Variants in FAM168B observed in about 807,000 individuals in gnomAD.
FAM168B encodes the protein family with sequence similarity 168 member B, also known as myelin-associated neurite-outgrowth inhibitor.
FAM168B carries 19 observed loss-of-function variants against 21.8 expected under a neutral mutation model. The observed-to-expected ratio is 0.87, with a 90% CI of 0.61 to 1.28. The LOEUF is 1.28. Ranked by LOEUF, FAM168B falls within the 50% of genes most tolerant of loss-of-function variation. FAM168B has a pLI of 0.00. For synonymous variants in FAM168B, 126 were observed against 104.8 expected (o/e 1.20, Z -1.24); for missense variants, 233 against 263.1 (o/e 0.89, Z 0.79).
chr2:131,088,772 G>A (rs1290862207), intron 1 of FAM168B, among the ~76,000 whole-genome samples: 1 of 152,118 alleles, frequency 6.6e-6, no homozygotes, highest in Non-Finnish European at 1.5e-5. Flanking sequence ...ACATCAAGAT[G>A]TTGCATATAA....
intron 5 of FAM168B, among the ~76,000 whole-genome samples, chr2:131,053,317 G>C (rs542904150): frequency 6.6e-6 from 1 of 152,276 alleles, no homozygotes; most frequent in Admixed American, 6.5e-5. Flanking sequence ...GCCTTAACAA[G>C]GAAGGAGATT....
chr2:131,083,527 C>A (rs191989766), intron 1 of FAM168B, among the ~76,000 whole-genome samples: 53 of 152,100 alleles, frequency 3.5e-4, no homozygotes, highest in African/African-American at 1.3e-3. Context: ...GACAACAGAG[C>A]GAGACTTTGT....
intron 1 of FAM168B, among the ~76,000 whole-genome samples, chr2:131,087,839 G>C (rs776816517): frequency 6.6e-6 from 1 of 152,198 alleles, no homozygotes; most frequent in Non-Finnish European, 1.5e-5. Context: ...ATGAACATTT[G>C]TAACAGCATT....
At chr2:131,068,868 T>C (rs1272188228) in intron 3 of FAM168B, among the ~76,000 whole-genome samples, 2 of 151,956 alleles carry the variant, frequency 1.3e-5, no homozygotes, top group Non-Finnish European at 2.9e-5. Flanking sequence ...ATAGAAAAAT[T>C]AGCCGAGTGT....
intron 2 of FAM168B, among the ~76,000 whole-genome samples, chr2:131,075,730 C>T (rs1310129558): frequency 6.6e-6 from 1 of 152,082 alleles, no homozygotes; most frequent in African/African-American, 2.4e-5. Context: ...CCTCGTGATC[C>T]GCCCACCCCG....
intron 2 of FAM168B, among the ~76,000 whole-genome samples, chr2:131,081,216 T>C (rs907624652): frequency 1.3e-5 from 2 of 152,228 alleles, no homozygotes; most frequent in African/African-American, 4.8e-5. Context: ...TTCTTTTATA[T>C]CTGCAATTCT....
intron 3 of FAM168B, among the ~76,000 whole-genome samples, chr2:131,066,507 G>A (rs1200172430): frequency 6.6e-6 from 1 of 152,156 alleles, no homozygotes; most frequent in Non-Finnish European, 1.5e-5. Flanking sequence ...AAGTGCTAAT[G>A]TAATAAATAT....
intron 1 of FAM168B, among the ~76,000 whole-genome samples, chr2:131,084,651 A>G (rs1693592835): frequency 6.6e-6 from 1 of 152,034 alleles, no homozygotes. Context: ...CACAGCCACA[A>G]CCAGGACTCT....
chr2:131,078,409 T>C (rs1693270953), intron 2 of FAM168B, among the ~76,000 whole-genome samples: 1 of 151,946 alleles, frequency 6.6e-6, no homozygotes, highest in Non-Finnish European at 1.5e-5. Context: ...AAACAGAAAC[T>C]ATAAAACAGG....
At position 131,049,100 on chromosome 2, in the gene FAM168B, A is replaced by G. The variant is rs1448606550; in HGVS notation, c.*3365T>C. ...TCACTGGCACTCACAGGTGCCTTAC[A>G]TACCTTACGGGGGCCAACACTGACA... On this transcript the variant is annotated 3_prime_UTR_variant, in exon 7 of 7. Coordinates refer to ENST00000389915, the MANE Select transcript of FAM168B (RefSeq NM_001009993.4). 4.1e-6 allele frequency: 4 copies of G among 985,436 alleles called. No homozygotes were observed. The highest frequency in any genetic ancestry group is 4.8e-6 in the Non-Finnish European group (4 of 829,920). The allele number at this position is 985,436 out of a possible 1,614,324, so 61.0% of individuals were successfully genotyped here. A position where few individuals can be genotyped will look rare whatever the true frequency, so the allele number is the denominator to read the frequency against.
chr2:131,050,286 CTT>C lies in FAM168B; in HGVS notation c.*2177_*2178del. 1 of 985,350 alleles carries C rather than the reference CTT, an allele frequency of 1.0e-6. No homozygotes were observed. 61.0% of individuals were successfully genotyped at this position (985,350 alleles called of 1,614,324 possible). On this transcript the variant is annotated 3_prime_UTR_variant, in exon 7 of 7. Transcript: ENST00000389915. ...TATGTTTCCATTTTGTTGTGTGGGG[CTT>C]TTTAAAAGCATACACTAACATTGTG... is the stretch of plus-strand genomic sequence containing the variant.
chr2:131,079,301 C>G (rs995662751), intron 2 of FAM168B, among the ~76,000 whole-genome samples: 10 of 152,248 alleles, frequency 6.6e-5, no homozygotes, highest in African/African-American at 2.4e-4. Context: ...AACCCTATCT[C>G]TACTAAAAAT....
chr2:131,051,206 T>A lies in FAM168B; in HGVS notation c.*1259A>T, dbSNP rs1282905219. ...AGACACTGGCCTCCCCCTCGCCCCA[T>A]CTCTAAGCGTCCCCTCCAGCCGGCC... On this transcript the variant is annotated 3_prime_UTR_variant, in exon 7 of 7. Transcript: ENST00000389915. The A allele has an allele frequency of 1.0e-6, 1 of 984,030 alleles. No individual in the cohort carries two copies. The highest frequency in any genetic ancestry group is 1.2e-6 in the Non-Finnish European group (1 of 829,632). The allele number at this position is 984,030 out of a possible 1,614,324, so 61.0% of individuals were successfully genotyped here.
chr2:131,048,055 G>T lies in FAM168B; in HGVS notation c.*4410C>A. The T allele has an allele frequency of 7.7e-6, 4 of 521,572 alleles. No individual in the cohort carries two copies. The highest frequency in any genetic ancestry group is 1.1e-5 in the Non-Finnish European group (4 of 356,044). The allele number at this position is 521,572 out of a possible 1,614,324, so 32.3% of individuals were successfully genotyped here. On this transcript the variant is annotated 3_prime_UTR_variant, in exon 7 of 7. Transcript: ENST00000389915. ...CTCAGGATGGAAATTCCATTCCTTG[G>T]CATGGATACGTAAGTTCAATGCAGA...
At chr2:131,074,418 C>A (rs958395366) in intron 2 of FAM168B, among the ~76,000 whole-genome samples, 3 of 152,200 alleles carry the variant, frequency 2.0e-5, no homozygotes, top group Admixed American at 6.5e-5. Flanking sequence ...TGAGCCACTG[C>A]ACCTGGCCAG....
chr2:131,087,063 C>CAAAAAAAAA (rs70994735), intron 1 of FAM168B, among the ~76,000 whole-genome samples: 2 of 40,672 alleles, frequency 4.9e-5, no homozygotes, highest in African/African-American at 5.4e-4. Context: ...GACTCCGTCT[C>CAAAAAAAAA]AAAAAAAAAA....
intron 5 of FAM168B, among the ~76,000 whole-genome samples, chr2:131,054,708 C>A (rs1482745176): frequency 6.6e-6 from 1 of 152,208 alleles, no homozygotes; most frequent in Non-Finnish European, 1.5e-5. Context: ...ATCAAACCCC[C>A]AGGGCTTCCG....
At chr2:131,092,808 A>AAAAAAT (rs896582047) in intron 1 of FAM168B, among the ~76,000 whole-genome samples, 6 of 152,200 alleles carry the variant, frequency 3.9e-5, no homozygotes, top group African/African-American at 1.4e-4. Context: ...CCGCCAAGCA[A>AAAAAAT]AAAAATAAAA....
chr2:131,055,884 C>T (rs879322857), intron 3 of FAM168B, among the ~76,000 whole-genome samples, 189 bp from the exon 4 acceptor site: 3 of 152,042 alleles, frequency 2.0e-5, no homozygotes, highest in Non-Finnish European at 4.4e-5. Flanking sequence ...TGTGCATGCA[C>T]GTGTGTGTGG....
Sources: gnomAD v4.1 joint callset for allele counts (sites outside exome capture counted in the v4.1 genomes callset) on GRCh38, gnomAD v4.1.1 for gene constraint, MANE v1.5 for transcripts, NCBI Gene and HGNC (gene_info 2026-07-23, HGNC 2026-07-21) for gene names.